Variants in ANAPC10 observed in about 807,000 individuals in gnomAD.
The protein encoded by ANAPC10 is anaphase promoting complex subunit 10, also known as anaphase-promoting complex subunit 10.
A neutral mutation model predicts 22.0 loss-of-function variants in ANAPC10; 12 were observed. The ratio of observed to expected loss-of-function variants is 0.55; its 90% CI spans 0.35 to 0.88. The LOEUF (loss-of-function observed/expected upper bound fraction) is 0.88. ANAPC10 is among the 40% of genes least tolerant of loss of function. The probability of loss-of-function intolerance (pLI) is 0.01; values close to 1 mark genes in which losing one functional copy is unlikely to be tolerated. For synonymous variants in ANAPC10, 65 were observed against 69.5 expected (o/e 0.94, Z 0.32); for missense variants, 188 against 220.9 (o/e 0.85, Z 0.94).
At chr4:145,053,756 C>T in intron 4 of ANAPC10, 1 of 648,604 alleles carries the variant, frequency 1.5e-6, no homozygotes. Context: ...TTCATTGATT[C>T]TTCATTCACA....
At chr4:145,090,921 A>C (rs1413145303) in intron 2 of ANAPC10, among the ~76,000 whole-genome samples, 1 of 152,236 alleles carries the variant, frequency 6.6e-6, no homozygotes, top group East Asian at 1.9e-4. Context: ...AATCTCAGCA[A>C]CTATCTGCTG....
chr4:145,047,001 T>C (rs980757138), intron 4 of ANAPC10, among the ~76,000 whole-genome samples: 19 of 152,272 alleles, frequency 1.2e-4, no homozygotes, highest in African/African-American at 4.3e-4. Context: ...CGTAAAGTTA[T>C]ATTGACTAAG....
At chr4:145,036,682 G>C (rs1182678184) in intron 4 of ANAPC10, among the ~76,000 whole-genome samples, 1 of 151,978 alleles carries the variant, frequency 6.6e-6, no homozygotes, top group Non-Finnish European at 1.5e-5. Context: ...ATGTTTTACT[G>C]TAGTAAAAAG....
chr4:145,023,208 T>C (rs983491061), intron 4 of ANAPC10, among the ~76,000 whole-genome samples: 10 of 152,064 alleles, frequency 6.6e-5, no homozygotes, highest in African/African-American at 2.4e-4. Flanking sequence ...TGATTCCATC[T>C]ATGCAAAGTG....
intron 4 of ANAPC10, among the ~76,000 whole-genome samples, chr4:145,009,873 G>C (rs962407507): frequency 3.9e-5 from 6 of 152,152 alleles, no homozygotes; most frequent in African/African-American, 1.4e-4. Flanking sequence ...ACTACCATCA[G>C]AGTGAAAAGG....
chr4:145,051,189 C>G (rs1019603772), intron 4 of ANAPC10, among the ~76,000 whole-genome samples: 1 of 151,948 alleles, frequency 6.6e-6, no homozygotes, highest in Non-Finnish European at 1.5e-5. Context: ...ATTAACTGGC[C>G]TAATTTCAAT....
intron 4 of ANAPC10, among the ~76,000 whole-genome samples, chr4:145,054,280 G>A (rs548934219): frequency 1.1e-4 from 17 of 150,772 alleles, no homozygotes; most frequent in African/African-American, 3.9e-4. Flanking sequence ...CACCAGGCGC[G>A]GTAGCTCACA....
intron 1 of ANAPC10, chr4:145,097,778 T>C (rs1416492979): frequency 2.9e-6 from 1 of 343,866 alleles, no homozygotes; most frequent in Non-Finnish European, 5.8e-6. Context: ...AAGATAGAAA[T>C]AAAGCCCATC....
chr4:145,046,747 T>C (rs925259914), intron 4 of ANAPC10, among the ~76,000 whole-genome samples: 2 of 152,066 alleles, frequency 1.3e-5, no homozygotes, highest in Non-Finnish European at 2.9e-5. Context: ...CTCTGTCCAG[T>C]TGCAACAGAG....
intron 4 of ANAPC10, among the ~76,000 whole-genome samples, chr4:145,048,214 A>G (rs1740612245): frequency 6.6e-6 from 1 of 152,162 alleles, no homozygotes. Flanking sequence ...ATATTAACTG[A>G]GCACCTATGT....
intron 4 of ANAPC10, among the ~76,000 whole-genome samples, chr4:145,008,743 G>A (rs1165383272): frequency 2.9e-4 from 43 of 146,528 alleles, no homozygotes; most frequent in East Asian, 6.0e-4. Context: ...TACTGAATGG[G>A]CAAAAACTGG....
intron 3 of ANAPC10, among the ~76,000 whole-genome samples, chr4:145,077,298 C>T (rs896110541): frequency 1.3e-5 from 2 of 152,114 alleles, no homozygotes; most frequent in African/African-American, 2.4e-5. Context: ...GAGACCAAAA[C>T]TACAACTCAT....
intron 4 of ANAPC10, among the ~76,000 whole-genome samples, chr4:145,062,502 G>A (rs1296811932): frequency 1.3e-5 from 2 of 152,044 alleles, no homozygotes; most frequent in Non-Finnish European, 2.9e-5. Context: ...AGCTACTCAA[G>A]AGGCTGAGGT....
chr4:145,061,555 T>C (rs557591865), intron 4 of ANAPC10, among the ~76,000 whole-genome samples: 50 of 152,282 alleles, frequency 3.3e-4, no homozygotes, highest in Admixed American at 1.2e-3. Context: ...TTCAAATATA[T>C]ACCACGTATA....
chr4:145,026,945 A>ATATATATGTG (rs1287102797), intron 4 of ANAPC10, among the ~76,000 whole-genome samples: 21 of 17,154 alleles, frequency 1.2e-3, no homozygotes, highest in African/African-American at 2.5e-3. Context: ...ATATATATAT[A>ATATATATGTG]TGTGTGTGTG....
intron 2 of ANAPC10, among the ~76,000 whole-genome samples, chr4:145,082,452 T>C (rs1350752031): frequency 6.6e-6 from 1 of 152,236 alleles, no homozygotes; most frequent in African/African-American, 2.4e-5. Flanking sequence ...CCCAGCCGGA[T>C]ACATTTTAAA....
chr4:145,038,812 ACT>A (rs1310857939), intron 4 of ANAPC10, among the ~76,000 whole-genome samples: 1 of 121,780 alleles, frequency 8.2e-6, no homozygotes, highest in Non-Finnish European at 1.7e-5. Context: ...ACAGAGTGAG[ACT>A]CTGTCTCAAA....
At chr4:145,026,911 C>A in intron 4 of ANAPC10, among the ~76,000 whole-genome samples, 3 of 57,590 alleles carry the variant, frequency 5.2e-5, no homozygotes, top group Non-Finnish European at 1.1e-4. Flanking sequence ...AAGTTTTTGC[C>A]TATACATACA....
intron 4 of ANAPC10, among the ~76,000 whole-genome samples, chr4:144,997,263 A>G (rs1464065175): frequency 1.3e-5 from 2 of 152,202 alleles, no homozygotes; most frequent in Non-Finnish European, 2.9e-5. Flanking sequence ...CCTCGAGAAG[A>G]GCAACACCAA....
Sources: allele counts gnomAD v4.1 joint callset (sites outside exome capture counted in the v4.1 genomes callset), GRCh38; gene constraint gnomAD v4.1.1; transcripts MANE v1.5; gene names NCBI Gene and HGNC (gene_info 2026-07-23, HGNC 2026-07-21).